PHF14: variants seen among roughly 807,000 people sequenced by gnomAD.
PHF14 encodes PHD finger protein 14.
Under a neutral mutation model 117.9 loss-of-function variants are expected in PHF14, and 55 were observed. The ratio of observed to expected loss-of-function variants is 0.47; its 90% CI spans 0.38 to 0.58. PHF14 has a LOEUF of 0.58. Among genes scored for constraint, PHF14 ranks in the 20% least tolerant of loss-of-function variants. The pLI, the probability that PHF14 is intolerant of heterozygous loss-of-function variation, is 0.00. For missense variants in PHF14, 978 were observed against 1,122.2 expected, an observed-to-expected ratio of 0.87 and a Z score of 1.84; for synonymous variants, 409 against 368.6, an observed-to-expected ratio of 1.11 and a Z score of -1.26.
At chr7:11,094,343 G>T (rs951492052) in intron 16 of PHF14, among the ~76,000 whole-genome samples, 1 of 152,126 alleles carries the variant, frequency 6.6e-6, no homozygotes, top group Admixed American at 6.5e-5. Flanking sequence ...GTGTTTGGGG[G>T]TAGAACCCAT....
At chr7:10,977,457 G>A (rs905569085) in intron 2 of PHF14, among the ~76,000 whole-genome samples, 7 of 151,704 alleles carry the variant, frequency 4.6e-5, no homozygotes, top group Non-Finnish European at 7.4e-5. Flanking sequence ...TTTCTGTTTG[G>A]TTTTAAGAAT....
At chr7:11,065,719 G>A (rs1785400069) in intron 16 of PHF14, among the ~76,000 whole-genome samples, 1 of 152,066 alleles carries the variant, frequency 6.6e-6, no homozygotes, top group Admixed American at 6.6e-5. Context: ...AAAAGGAAGT[G>A]GGCCTGTCTT....
chr7:11,017,637 G>T (rs1383338853), intron 5 of PHF14, among the ~76,000 whole-genome samples: 1 of 151,870 alleles, frequency 6.6e-6, no homozygotes, highest in South Asian at 2.1e-4. Context: ...TGAACTCCTT[G>T]TATATTCTGG....
chr7:11,149,579 A>G (rs974196810), intron 17 of PHF14, among the ~76,000 whole-genome samples: 2 of 152,194 alleles, frequency 1.3e-5, no homozygotes, highest in Non-Finnish European at 2.9e-5. Context: ...TTTGAATGCA[A>G]ATTACTTATT....
intron 16 of PHF14, among the ~76,000 whole-genome samples, chr7:11,099,983 T>G (rs1043394983): frequency 3.9e-5 from 6 of 152,054 alleles, no homozygotes; most frequent in Admixed American, 1.3e-4. Context: ...TTTCTCTAAA[T>G]GAGCTGATGA....
intron 2 of PHF14, among the ~76,000 whole-genome samples, chr7:10,977,448 TTC>T (rs1192919559): frequency 4.6e-5 from 7 of 152,142 alleles, no homozygotes; most frequent in Admixed American, 1.3e-4. Context: ...CTTTTTATAT[TTC>T]TGTTTGGTTT....
At chr7:11,089,004 C>A (rs1464668352) in intron 16 of PHF14, among the ~76,000 whole-genome samples, 4 of 151,798 alleles carry the variant, frequency 2.6e-5, no homozygotes, top group Non-Finnish European at 4.4e-5. Flanking sequence ...GTAAAATCTT[C>A]AACACCATTT....
chr7:11,004,609 A>G (rs1239783326), intron 4 of PHF14, among the ~76,000 whole-genome samples: 2 of 151,884 alleles, frequency 1.3e-5, no homozygotes, highest in Non-Finnish European at 2.9e-5. Flanking sequence ...CTTAGTTTTT[A>G]TAATGTCATA....
intron 17 of PHF14, among the ~76,000 whole-genome samples, chr7:11,120,087 CTTATAA>C (rs1787707511): frequency 6.6e-6 from 1 of 151,756 alleles, no homozygotes; most frequent in South Asian, 2.1e-4. Context: ...TGGCGGAGTT[CTTATAA>C]TTGGATGCGT....
At chr7:11,049,114 A>T (rs915015429) in intron 13 of PHF14, among the ~76,000 whole-genome samples, 1 of 152,218 alleles carries the variant, frequency 6.6e-6, no homozygotes, top group African/African-American at 2.4e-5. Context: ...ACCTGCTTCT[A>T]TACCTAGGGG....
At chr7:11,046,866 G>GA (rs202056727) in intron 13 of PHF14, among the ~76,000 whole-genome samples, 2,224 of 142,026 alleles carry the variant, frequency 0.016, 50 homozygotes, top group East Asian at 0.11. Context: ...TTAGACATAA[G>GA]AAAAAAAAAA....
Position 10,994,071 on chromosome 7 carries a change from G to T in PHF14, c.1045+3224G>T, listed in dbSNP as rs568800790. ...TCTGATAAGAGGATATTTGAGCAGT[G>T]ACCTGAAGGAAGTAAAGGAGCAAGT... On this transcript the variant is annotated intron_variant, in intron 4 of 17. Transcript: ENST00000634607. 3.9e-5 allele frequency among the ~76,000 whole-genome samples: 6 copies of T among 151,966 alleles called. No individual in the cohort carries two copies. The South Asian group carries it at 1.2e-3, about 32-fold the overall frequency.
At chr7:11,152,251 A>G (rs1178263822) in intron 17 of PHF14, among the ~76,000 whole-genome samples, 41 of 152,178 alleles carry the variant, frequency 2.7e-4, no homozygotes, top group Admixed American at 2.7e-3. Flanking sequence ...CTAACTGTAC[A>G]TACGGTATAT....
rs1784338113 is a variant in PHF14 at position 11,036,893 on chromosome 7, G to A, written c.1874-92G>A. ...ATACTTAAAAGTTTTAAACTATGTA[G>A]GTTTATCAATGTGATCATCTTTATA... On this transcript the variant is annotated intron_variant, in intron 9 of 17. Transcript: ENST00000634607. The A allele has an allele frequency of 6.0e-6, 6 of 995,788 alleles. No individual in the cohort carries two copies. The East Asian group carries it at 1.3e-4, about 22-fold the overall frequency. The allele number at this position is 995,788 out of a possible 1,614,324, so 61.7% of individuals were successfully genotyped here.
At chr7:11,123,844 G>T (rs1341634348) in intron 17 of PHF14, among the ~76,000 whole-genome samples, 2 of 147,786 alleles carry the variant, frequency 1.4e-5, no homozygotes, top group Non-Finnish European at 1.5e-5. Flanking sequence ...CTTGAACCCA[G>T]GAGGCGGAAG....
chr7:11,016,121 G>A (rs147760151), intron 5 of PHF14, among the ~76,000 whole-genome samples: 1 of 151,914 alleles, frequency 6.6e-6, no homozygotes, highest in African/African-American at 2.4e-5. Context: ...TACTGTGGAC[G>A]TTACATAAGT....
intron 2 of PHF14, among the ~76,000 whole-genome samples, chr7:10,979,448 T>C (rs1482843102): frequency 3.9e-5 from 5 of 129,616 alleles, no homozygotes; most frequent in African/African-American, 7.6e-5. Context: ...TTTAAAGATA[T>C]ATTTTTTTCA....
intron 16 of PHF14, among the ~76,000 whole-genome samples, chr7:11,066,280 G>A (rs1311338765): frequency 6.6e-6 from 1 of 152,016 alleles, no homozygotes; most frequent in African/African-American, 2.4e-5. Flanking sequence ...TAATTTTTTT[G>A]TTGTTTGTTT....
intron 4 of PHF14, among the ~76,000 whole-genome samples, chr7:11,000,992 A>G (rs1244078848): frequency 2.0e-5 from 3 of 151,814 alleles, no homozygotes; most frequent in Non-Finnish European, 4.4e-5. Flanking sequence ...ATAATTTTTT[A>G]ATTATAAATT....
Sources: gnomAD v4.1 joint callset for allele counts (sites outside exome capture counted in the v4.1 genomes callset) on GRCh38, gnomAD v4.1.1 for gene constraint, MANE v1.5 for transcripts, NCBI Gene and HGNC (gene_info 2026-07-23, HGNC 2026-07-21) for gene names.